CYP2J2: variants seen among roughly 807,000 people sequenced by gnomAD.
CYP2J2 encodes the protein cytochrome P450 2J2.
CYP2J2 carries 41 observed loss-of-function variants against 48.8 expected under a neutral mutation model. The observed-to-expected ratio is 0.84, with a 90% CI of 0.66 to 1.09. The LOEUF (loss-of-function observed/expected upper bound fraction) is 1.09. Ranked by LOEUF, CYP2J2 falls within the 50% of genes least tolerant of loss-of-function variation. The pLI, the probability that CYP2J2 is intolerant of heterozygous loss-of-function variation, is 0.00. For missense variants in CYP2J2, 644 were observed against 617.3 expected (o/e 1.04, Z -0.46); for synonymous variants, 221 against 227.1 (o/e 0.97, Z 0.24).
Position 59,907,668 on chromosome 1 carries a change from A to G in CYP2J2, c.1003+118T>C. On this transcript the variant is annotated intron_variant, in intron 6 of 8. Coordinates refer to ENST00000371204, the MANE Select transcript of CYP2J2 (RefSeq NM_000775.4). Reference sequence around the variant, plus strand: ...TGCAGTTTCCAAGTCCTCATCACTCATGACTGTTCTGCCTCTCTTTTCATC... The same window carrying G: ...TGCAGTTTCCAAGTCCTCATCACTCGTGACTGTTCTGCCTCTCTTTTCATC... The G allele has an allele frequency of 7.2e-6, 8 of 1,110,442 alleles. No individual in the cohort carries two copies. In the Admixed American group the frequency reaches 1.1e-4, roughly 16 times the overall value. 68.8% of individuals were successfully genotyped at this position (1,110,442 alleles called of 1,614,324 possible).
At chr1:59,963,282 G>A in the CYP2J2 span, among the ~76,000 whole-genome samples, 2 of 152,120 alleles carry the variant, frequency 1.3e-5, no homozygotes, top group Non-Finnish European at 2.9e-5. Context: ...ACAACCATCA[G>A]CACTATGTAA....
the CYP2J2 span, among the ~76,000 whole-genome samples, chr1:59,963,161 A>G: frequency 6.6e-6 from 1 of 152,222 alleles, no homozygotes. Context: ...GGCGTTTGGA[A>G]TTACATTCTT....
the CYP2J2 span, among the ~76,000 whole-genome samples, chr1:59,945,663 A>G: frequency 6.6e-6 from 1 of 152,040 alleles, no homozygotes; most frequent in Admixed American, 6.6e-5. Flanking sequence ...TTAAATTTCA[A>G]TTTTCATTAT....
At chr1:59,949,505 C>G in the CYP2J2 span, among the ~76,000 whole-genome samples, 1 of 152,284 alleles carries the variant, frequency 6.6e-6, no homozygotes, top group South Asian at 2.1e-4. Flanking sequence ...ATATCCTTGA[C>G]AACTTTCCAA....
At chr1:59,920,071 G>A (rs11572223) in intron 1 of CYP2J2, among the ~76,000 whole-genome samples, 5,327 of 151,980 alleles carry the variant, frequency 0.035, 298 homozygotes, top group East Asian at 0.27. Flanking sequence ...TAAAGCTATC[G>A]CAAGAAGAGA....
At chr1:59,963,467 T>C in the CYP2J2 span, among the ~76,000 whole-genome samples, 1 of 152,222 alleles carries the variant, frequency 6.6e-6, no homozygotes, top group Admixed American at 6.5e-5. Context: ...TGTGGCTTAC[T>C]ACCCTTAGCA....
chr1:59,942,437 AGAGT>A, the CYP2J2 span, among the ~76,000 whole-genome samples: 1 of 152,130 alleles, frequency 6.6e-6, no homozygotes, highest in Non-Finnish European at 1.5e-5. Flanking sequence ...GTGGCGGGGC[AGAGT>A]GTGTGAAGGA....
At chr1:59,957,285 A>G in the CYP2J2 span, among the ~76,000 whole-genome samples, 1 of 152,008 alleles carries the variant, frequency 6.6e-6, no homozygotes, top group African/African-American at 2.4e-5. Flanking sequence ...AAGAAATTCC[A>G]TTAACATAGC....
chr1:59,929,583 A>T (rs908906650), upstream of CYP2J2, among the ~76,000 whole-genome samples: 6 of 152,212 alleles, frequency 3.9e-5, no homozygotes, highest in African/African-American at 1.4e-4. Context: ...TAGAAATTAT[A>T]AAAAAGTGGA....
the CYP2J2 span, among the ~76,000 whole-genome samples, chr1:59,955,567 A>G: frequency 6.6e-6 from 1 of 152,136 alleles, no homozygotes; most frequent in African/African-American, 2.4e-5. Context: ...AATAGCAACC[A>G]TACAGTGAAG....
At chr1:59,945,446 CTATCTATCTATG>C in the CYP2J2 span, among the ~76,000 whole-genome samples, 1 of 148,402 alleles carries the variant, frequency 6.7e-6, no homozygotes. Flanking sequence ...ATCTATCTCT[CTATCTATCTATG>C]TATCTGTCTA....
At chr1:59,959,964 G>A in the CYP2J2 span, among the ~76,000 whole-genome samples, 1 of 152,140 alleles carries the variant, frequency 6.6e-6, no homozygotes, top group Non-Finnish European at 1.5e-5. Context: ...CTCGGGTGAT[G>A]GGTGTATCAA....
At chr1:59,953,596 T>C in the CYP2J2 span, among the ~76,000 whole-genome samples, 3 of 151,910 alleles carry the variant, frequency 2.0e-5, no homozygotes, top group Non-Finnish European at 4.4e-5. Context: ...GCCAAGAAGA[T>C]GTGAGCAGTA....
chr1:59,935,027 T>TATATATATATATATATATATATAC, the CYP2J2 span, among the ~76,000 whole-genome samples: 1 of 100,140 alleles, frequency 1.0e-5, no homozygotes, highest in South Asian at 3.0e-4. Flanking sequence ...TATATATATA[T>TATATATATATATATATATATATAC]ATATATATAT....
chr1:59,907,673 T>C, intron 6 of CYP2J2, 113 bp downstream of exon 6: 1 of 1,166,286 alleles, frequency 8.6e-7, no homozygotes, highest in Non-Finnish European at 1.2e-6. Flanking sequence ...CACTCATGAC[T>C]GTTCTGCCTC....
chr1:59,910,215 G>A (rs895358602), intron 4 of CYP2J2, among the ~76,000 whole-genome samples: 4 of 152,098 alleles, frequency 2.6e-5, no homozygotes, highest in Non-Finnish European at 5.9e-5. Flanking sequence ...GAGACATCTG[G>A]GGACATCTGA....
intron 2 of CYP2J2, 77 bp downstream of exon 2, chr1:59,915,859 TAC>T (rs1644459901): frequency 1.4e-6 from 2 of 1,379,378 alleles, no homozygotes; most frequent in Non-Finnish European, 9.7e-7. Context: ...GTTGGAAAAT[TAC>T]AGTCACCAAG....
At chr1:59,960,345 A>G in the CYP2J2 span, among the ~76,000 whole-genome samples, 1 of 152,208 alleles carries the variant, frequency 6.6e-6, no homozygotes, top group East Asian at 1.9e-4. Flanking sequence ...TGGAGAAATT[A>G]TACAAATTAA....
intron 3 of CYP2J2, 81 bp from the exon 4 acceptor site, chr1:59,911,849 T>C: frequency 7.2e-7 from 1 of 1,397,634 alleles, no homozygotes; most frequent in Non-Finnish European, 9.9e-7. Context: ...TTACATGGCA[T>C]AAGACATACC....
Sources: allele counts gnomAD v4.1 joint callset (sites outside exome capture counted in the v4.1 genomes callset), GRCh38; gene constraint gnomAD v4.1.1; transcripts MANE v1.5; gene names NCBI Gene and HGNC (gene_info 2026-07-23, HGNC 2026-07-21).